SNX29: variants seen among roughly 807,000 people sequenced by gnomAD.
The protein encoded by SNX29 is sorting nexin 29.
Under a neutral mutation model 102.1 loss-of-function variants are expected in SNX29, and 78 were observed. The ratio of observed to expected loss-of-function variants is 0.76; its 90% CI spans 0.64 to 0.92. The LOEUF (loss-of-function observed/expected upper bound fraction) is 0.92, where lower values mean the gene tolerates loss of function less well. Ranked by LOEUF, SNX29 falls within the 40% of genes least tolerant of loss-of-function variation. SNX29 has a pLI of 0.00. For missense variants in SNX29, 1,280 were observed against 1,061.7 expected (o/e 1.21, Z -2.86); for synonymous variants, 580 against 414.5 (o/e 1.40, Z -4.85).
chr16:12,456,483 G>A (rs576867471), intron 18 of SNX29, among the ~76,000 whole-genome samples: 3 of 151,756 alleles, frequency 2.0e-5, no homozygotes, highest in African/African-American at 7.3e-5. Flanking sequence ...GGGTAAGGGT[G>A]TATACTGGGT....
chr16:12,017,640 T>A, intron 3 of SNX29, among the ~76,000 whole-genome samples: 1 of 152,218 alleles, frequency 6.6e-6, no homozygotes. Context: ...TCAGTTATTT[T>A]TACTGTAAAC....
chr16:12,126,747 C>G, intron 12 of SNX29, 51 bp downstream of exon 12: 1 of 1,599,334 alleles, frequency 6.3e-7, no homozygotes. Flanking sequence ...GACATTCTGC[C>G]TCTGGGGAAG....
chr16:12,442,043 G>A (rs538872836), intron 18 of SNX29, among the ~76,000 whole-genome samples: 2 of 152,274 alleles, frequency 1.3e-5, no homozygotes, highest in South Asian at 4.1e-4. Context: ...GCCTCCCAAA[G>A]TGCTGGGATT....
At position 12,299,685 on chromosome 16, in the gene SNX29, C is replaced by T. The variant is rs555811566; in HGVS notation, c.1782+21649C>T. Among the ~76,000 whole-genome samples, 6 of 151,968 alleles carry T rather than the reference C, an allele frequency of 3.9e-5. No homozygotes were observed. In the South Asian group the frequency reaches 1.2e-3, roughly 32 times the overall value. ...GAAAATCTTTCCCTTTCTTCTTCCC[C>T]ACCTGCCTCTTCCCTCCCTTTCCCC... On this transcript the variant is annotated intron_variant, in intron 15 of 20. Coordinates refer to ENST00000566228, the MANE Select transcript of SNX29 (RefSeq NM_032167.5).
intron 11 of SNX29, among the ~76,000 whole-genome samples, chr16:12,102,789 C>G (rs1020339117): frequency 4.6e-5 from 7 of 152,186 alleles, no homozygotes; most frequent in African/African-American, 7.2e-5. Flanking sequence ...TTGCAGATGA[C>G]ATGATTGTAT....
intron 18 of SNX29, among the ~76,000 whole-genome samples, chr16:12,427,813 C>G (rs773466198): frequency 6.6e-6 from 1 of 152,200 alleles, no homozygotes; most frequent in Non-Finnish European, 1.5e-5. Flanking sequence ...GAAAATGACC[C>G]CATGACTGGG....
intron 15 of SNX29, among the ~76,000 whole-genome samples, chr16:12,355,097 A>G (rs760968563): frequency 4.6e-5 from 7 of 152,170 alleles, no homozygotes; most frequent in Admixed American, 1.3e-4. Flanking sequence ...ATTCTTTATA[A>G]AGGGTCTAAG....
At chr16:12,523,823 C>G (rs1324289305) in intron 19 of SNX29, among the ~76,000 whole-genome samples, 1 of 152,192 alleles carries the variant, frequency 6.6e-6, no homozygotes, top group Admixed American at 6.5e-5. Context: ...CTTCTGGGGC[C>G]ACGCTGCACA....
intron 18 of SNX29, among the ~76,000 whole-genome samples, chr16:12,450,155 C>T (rs1372187158): frequency 6.6e-6 from 1 of 152,190 alleles, no homozygotes; most frequent in Non-Finnish European, 1.5e-5. Context: ...CCTCCCCAGC[C>T]ATGTAGAACT....
chr16:12,547,435 G>A (rs962435425), intron 20 of SNX29, among the ~76,000 whole-genome samples: 1 of 152,182 alleles, frequency 6.6e-6, no homozygotes, highest in Non-Finnish European at 1.5e-5. Flanking sequence ...ACCCCGGGGA[G>A]AGGGGATGGT....
intron 13 of SNX29, among the ~76,000 whole-genome samples, chr16:12,142,576 G>GT (rs1329854934): frequency 6.6e-6 from 1 of 151,868 alleles, no homozygotes. Context: ...TTGTTTGTTT[G>GT]TTTTTGAGAC....
chr16:12,070,846 C>A (rs912387969), intron 10 of SNX29, among the ~76,000 whole-genome samples: 4 of 152,202 alleles, frequency 2.6e-5, no homozygotes, highest in Admixed American at 2.0e-4. Context: ...TGTTTCCTGA[C>A]TTTTTAATGA....
intron 18 of SNX29, among the ~76,000 whole-genome samples, chr16:12,409,151 C>T (rs1430089745): frequency 2.0e-5 from 3 of 152,284 alleles, no homozygotes; most frequent in African/African-American, 7.2e-5. Flanking sequence ...GTAGGCTGTG[C>T]TGATGCGTGG....
At chr16:12,540,991 T>C (rs2077309111) in intron 20 of SNX29, among the ~76,000 whole-genome samples, 1 of 152,128 alleles carries the variant, frequency 6.6e-6, no homozygotes, top group Admixed American at 6.5e-5. Context: ...GGAAAAATGG[T>C]GAGCTCACTG....
In SNX29 at chr16:12,477,808, C is replaced by T. The variant is rs751769629; in HGVS notation, c.2127C>T (p.Tyr709=). 6 of 1,613,322 alleles carry T rather than the reference C, an allele frequency of 3.7e-6. No homozygotes were observed. Among genetic ancestry groups the T allele is most frequent in the Non-Finnish European group, 5.1e-6 (6 of 1,179,650 alleles). Residue 709 remains tyrosine (Y), a synonymous_variant, in exon 19 of 21, where the codon TAC becomes TAT. Transcript: ENST00000566228. The stretch of plus-strand genomic sequence containing the variant: ...TGCACCACAAGTTACAAAACAAGTA[C>T]CCTCAAGTGAGGGCCTACAACTTCC... ...RSLHHKLQNK[Y]PQVRAYNFPP...
intron 13 of SNX29, among the ~76,000 whole-genome samples, chr16:12,196,628 T>TC (rs1381221221): frequency 6.6e-4 from 98 of 147,732 alleles, no homozygotes; most frequent in South Asian, 1.7e-3. Flanking sequence ...TTTTCTTTTT[T>TC]TTTTTTTTTT....
intron 13 of SNX29, among the ~76,000 whole-genome samples, chr16:12,174,182 G>C (rs2076210986): frequency 6.6e-6 from 1 of 152,234 alleles, no homozygotes; most frequent in African/African-American, 2.4e-5. Context: ...CTAGAGGGCA[G>C]ATAGATGCTT....
chr16:12,352,574 C>T (rs2082019263), intron 15 of SNX29, among the ~76,000 whole-genome samples: 1 of 152,204 alleles, frequency 6.6e-6, no homozygotes, highest in South Asian at 2.1e-4. Context: ...CTTGAATCTT[C>T]TACCTTCTCT....
At chr16:12,313,035 G>A (rs2080612630) in intron 15 of SNX29, among the ~76,000 whole-genome samples, 2 of 129,656 alleles carry the variant, frequency 1.5e-5, no homozygotes, top group Non-Finnish European at 1.8e-5. Context: ...TTTTTTTTTA[G>A]ACGGAGTATC....
Sources: allele counts gnomAD v4.1 joint callset (sites outside exome capture counted in the v4.1 genomes callset), GRCh38; gene constraint gnomAD v4.1.1; transcripts MANE v1.5; gene names NCBI Gene and HGNC (gene_info 2026-07-23, HGNC 2026-07-21).